Variants in NAALADL2 observed in about 807,000 individuals in gnomAD.
NAALADL2 encodes N-acetylated alpha-linked acidic dipeptidase like 2.
NAALADL2 carries 76 observed loss-of-function variants against 87.2 expected under a neutral mutation model. The ratio of observed to expected loss-of-function variants is 0.87; its 90% CI spans 0.72 to 1.05. The LOEUF (loss-of-function observed/expected upper bound fraction) is 1.05, where lower values mean the gene tolerates loss of function less well. Ranked by LOEUF, NAALADL2 falls within the 50% of genes least tolerant of loss-of-function variation. The pLI is 0.00. For missense variants in NAALADL2, 1,089 were observed against 945.8 expected (o/e 1.15, Z -1.99); for synonymous variants, 354 against 331.0 (o/e 1.07, Z -0.75).
At chr3:175,067,692 A>C (rs1378949620) in intron 1 of NAALADL2, among the ~76,000 whole-genome samples, 1 of 148,196 alleles carries the variant, frequency 6.7e-6, no homozygotes, top group Non-Finnish European at 1.5e-5. Context: ...GAGATGCCTC[A>C]AAGAACTAAA....
intron 1 of NAALADL2, among the ~76,000 whole-genome samples, chr3:174,970,300 C>G (rs189565756): frequency 6.6e-6 from 1 of 152,132 alleles, no homozygotes; most frequent in Non-Finnish European, 1.5e-5. Context: ...AAAATAAAAT[C>G]TATGTAAATC....
chr3:174,505,867 C>T (rs1344330788), intron 1 of NAALADL2, among the ~76,000 whole-genome samples: 2 of 152,046 alleles, frequency 1.3e-5, no homozygotes, highest in Non-Finnish European at 2.9e-5. Context: ...TTTTATTACA[C>T]GTAAATAATT....
chr3:174,973,844 G>A (rs546640559), intron 1 of NAALADL2, among the ~76,000 whole-genome samples: 3 of 152,072 alleles, frequency 2.0e-5, no homozygotes, highest in Non-Finnish European at 4.4e-5. Context: ...CAATTTTATG[G>A]GACCGCCATC....
intron 5 of NAALADL2, among the ~76,000 whole-genome samples, chr3:175,370,384 G>T (rs2148946052): frequency 6.6e-6 from 1 of 151,796 alleles, no homozygotes; most frequent in Non-Finnish European, 1.5e-5. Context: ...ATATATTTGT[G>T]AACCATAAAA....
At chr3:174,565,958 CT>C (rs1714208343) in intron 2 of NAALADL2, among the ~76,000 whole-genome samples, 2 of 151,846 alleles carry the variant, frequency 1.3e-5, no homozygotes, top group African/African-American at 2.4e-5. Flanking sequence ...TTGTCTATGT[CT>C]TGTTTATCTG....
At chr3:174,677,211 G>A (rs1727116217) in intron 2 of NAALADL2, among the ~76,000 whole-genome samples, 1 of 151,748 alleles carries the variant, frequency 6.6e-6, no homozygotes, top group African/African-American at 2.4e-5. Flanking sequence ...ATATGTTTGT[G>A]ACCTTAAACA....
At chr3:175,795,534 T>A (rs200336017) in intron 13 of NAALADL2, among the ~76,000 whole-genome samples, 2 of 138,616 alleles carry the variant, frequency 1.4e-5, no homozygotes, top group Admixed American at 7.2e-5. Flanking sequence ...AAAAAAAAAA[T>A]TAGCTGGGCG....
At chr3:175,065,800 C>A (rs79652111) in intron 1 of NAALADL2, among the ~76,000 whole-genome samples, 16,960 of 152,092 alleles carry the variant, frequency 0.11, 1,079 homozygotes, top group East Asian at 0.21. Context: ...TCACTGAACC[C>A]GAGAAAAACC....
chr3:174,740,441 C>G (rs527417335), intron 3 of NAALADL2, among the ~76,000 whole-genome samples: 1 of 151,862 alleles, frequency 6.6e-6, no homozygotes, highest in Non-Finnish European at 1.5e-5. Flanking sequence ...TTAGTCATGG[C>G]TTTCAAATGA....
intron 4 of NAALADL2, among the ~76,000 whole-genome samples, chr3:175,257,626 C>A (rs1189103293): frequency 1.3e-5 from 2 of 151,914 alleles, no homozygotes; most frequent in East Asian, 1.9e-4. Context: ...CATAGTAATG[C>A]CCGATGATGT....
intron 9 of NAALADL2, among the ~76,000 whole-genome samples, chr3:175,568,371 T>A (rs1219290649): frequency 6.6e-6 from 1 of 151,988 alleles, no homozygotes; most frequent in Non-Finnish European, 1.5e-5. Context: ...TGAAGAAAAA[T>A]TATAGATGCG....
chr3:174,732,480 T>C (rs1732797709), intron 2 of NAALADL2, among the ~76,000 whole-genome samples: 1 of 152,024 alleles, frequency 6.6e-6, no homozygotes, highest in South Asian at 2.1e-4. Flanking sequence ...GAGTAACAAA[T>C]ATCATTTATT....
At chr3:174,592,848 T>A (rs1018246969) in intron 2 of NAALADL2, among the ~76,000 whole-genome samples, 7 of 152,056 alleles carry the variant, frequency 4.6e-5, no homozygotes, top group African/African-American at 1.7e-4. Context: ...ATAAATTGTT[T>A]AGCAACAGAT....
chr3:175,069,315 G>A (rs1208051337), intron 1 of NAALADL2, among the ~76,000 whole-genome samples: 1 of 149,440 alleles, frequency 6.7e-6, no homozygotes, highest in East Asian at 1.9e-4. Flanking sequence ...AAATTTACAA[G>A]AAAAAAACAA....
chr3:174,735,218 G>A (rs370029752), intron 2 of NAALADL2, among the ~76,000 whole-genome samples: 11 of 152,238 alleles, frequency 7.2e-5, no homozygotes, highest in African/African-American at 2.6e-4. Context: ...GGTATTGGAA[G>A]ATATAAAAGG....
At chr3:174,959,986 G>A (rs533808982) in intron 1 of NAALADL2, among the ~76,000 whole-genome samples, 46 of 151,946 alleles carry the variant, frequency 3.0e-4, no homozygotes, top group Admixed American at 6.6e-4. Context: ...TGAGTTTCCT[G>A]GCCAGCTGGC....
intron 2 of NAALADL2, among the ~76,000 whole-genome samples, chr3:175,225,358 A>T (rs1744006005): frequency 6.6e-6 from 1 of 152,134 alleles, no homozygotes; most frequent in Admixed American, 6.6e-5. Flanking sequence ...TTTACTTAGT[A>T]AAAAATATTT....
At chr3:174,916,785 T>A (rs1734473967) in intron 1 of NAALADL2, among the ~76,000 whole-genome samples, 1 of 152,034 alleles carries the variant, frequency 6.6e-6, no homozygotes, top group Non-Finnish European at 1.5e-5. Context: ...AAGTGATGGG[T>A]GTACTAAAAT....
At chr3:175,187,745 A>G (rs1035875692) in intron 2 of NAALADL2, among the ~76,000 whole-genome samples, 1 of 152,152 alleles carries the variant, frequency 6.6e-6, no homozygotes, top group Admixed American at 6.5e-5. Context: ...CACCAGCAGA[A>G]TATGGAACCA....
Sources: allele counts gnomAD v4.1 joint callset (sites outside exome capture counted in the v4.1 genomes callset), GRCh38; gene constraint gnomAD v4.1.1; transcripts MANE v1.5; gene names NCBI Gene and HGNC (gene_info 2026-07-23, HGNC 2026-07-21).